PTPRK: variants seen among roughly 807,000 people sequenced by gnomAD.
PTPRK encodes the protein protein tyrosine phosphatase receptor type K, also known as receptor-type tyrosine-protein phosphatase kappa.
Under a neutral mutation model 178.0 loss-of-function variants are expected in PTPRK, and 75 were observed. That is an observed-to-expected ratio of 0.42 (90% CI 0.35 to 0.51). The LOEUF (loss-of-function observed/expected upper bound fraction) is 0.51, where lower values mean the gene tolerates loss of function less well. Ranked by LOEUF, PTPRK falls within the 20% of genes least tolerant of loss-of-function variation. The pLI, the probability that PTPRK is intolerant of heterozygous loss-of-function variation, is 0.02. For missense variants in PTPRK, 1,441 were observed against 1,797.8 expected (o/e 0.80, Z 3.59); for synonymous variants, 637 against 620.6 (o/e 1.03, Z -0.39).
chr6:128,504,556 T>C (rs925874959), intron 1 of PTPRK, among the ~76,000 whole-genome samples: 2 of 152,150 alleles, frequency 1.3e-5, no homozygotes, highest in African/African-American at 4.8e-5. Flanking sequence ...CTCAGAGCAA[T>C]TAGCAGGCTT....
intron 2 of PTPRK, among the ~76,000 whole-genome samples, chr6:128,372,743 C>T (rs1836463446): frequency 6.6e-6 from 1 of 152,112 alleles, no homozygotes; most frequent in Non-Finnish European, 1.5e-5. Context: ...GTATAAATGG[C>T]TACTCCATAG....
At chr6:128,322,017 C>G in intron 3 of PTPRK, 22 bp downstream of exon 3, 2 of 1,613,682 alleles carry the variant, frequency 1.2e-6, no homozygotes, top group Non-Finnish European at 1.7e-6. Flanking sequence ...AAAACATACA[C>G]CAGAAAAGTA....
chr6:128,375,517 T>G lies in PTPRK; in HGVS notation c.223+22049A>C, dbSNP rs1236542829. On this transcript the variant is annotated intron_variant, in intron 2 of 29. Coordinates refer to ENST00000368226, the MANE Select transcript of PTPRK (RefSeq NM_002844.4). ...CCCACTGGGTCCCTCCCACAACACA[T>G]GGGAATTATGGGAGCTACAAGATGA... 2.0e-5 allele frequency among the ~76,000 whole-genome samples: 3 copies of G among 152,048 alleles called. No homozygotes were observed. In the South Asian group the frequency reaches 6.2e-4, roughly 32 times the overall value.
intron 7 of PTPRK, among the ~76,000 whole-genome samples, chr6:128,158,895 T>C (rs1023819358): frequency 7.2e-5 from 11 of 151,946 alleles, no homozygotes; most frequent in African/African-American, 2.7e-4. Context: ...TTTCTGTATG[T>C]ACATGAAAAT....
At chr6:127,998,969 C>G in intron 15 of PTPRK, 65 bp from the exon 16 acceptor site, 3 of 1,335,810 alleles carry the variant, frequency 2.2e-6, no homozygotes. Context: ...ATATATGTAT[C>G]TATGCAATGA....
At chr6:128,219,221 T>C (rs1242296592) in intron 5 of PTPRK, 125 bp from the exon 6 acceptor site, 1 of 881,316 alleles carries the variant, frequency 1.1e-6, no homozygotes, top group African/African-American at 1.7e-5. Flanking sequence ...TTTTTTCCAT[T>C]GTCAATCAGG....
At chr6:128,254,594 C>A (rs564970922) in intron 3 of PTPRK, among the ~76,000 whole-genome samples, 1 of 152,190 alleles carries the variant, frequency 6.6e-6, no homozygotes, top group Non-Finnish European at 1.5e-5. Flanking sequence ...AAGATGAACT[C>A]AAATTTTTGA....
intron 2 of PTPRK, among the ~76,000 whole-genome samples, chr6:128,376,590 G>A (rs1394492727): frequency 2.0e-5 from 3 of 152,078 alleles, no homozygotes; most frequent in Non-Finnish European, 4.4e-5. Context: ...TTAACATTCG[G>A]CTCCTCATTA....
At chr6:127,995,861 A>G (rs530248387) in intron 17 of PTPRK, among the ~76,000 whole-genome samples, 2 of 152,208 alleles carry the variant, frequency 1.3e-5, no homozygotes, top group African/African-American at 2.4e-5. Context: ...CTTTTTAGTC[A>G]TGACTTTAAA....
At position 128,038,523 on chromosome 6, in the gene PTPRK, C is replaced by T. The variant is rs1233351083; in HGVS notation, c.2194+26235G>A. The stretch of plus-strand genomic sequence containing the variant: ...GTTCTTATAACTTCTAGAGATACTG[C>T]TCCACTCAATGACAATGTCTGCAGA... On this transcript the variant is annotated intron_variant, in intron 13 of 29. Coordinates refer to ENST00000368226, the MANE Select transcript of PTPRK (RefSeq NM_002844.4). Among the ~76,000 whole-genome samples, 3 of 152,022 alleles carry T rather than the reference C, an allele frequency of 2.0e-5. 1 individual carries two copies. The highest frequency in any genetic ancestry group is 2.0e-4 in the Admixed American group (3 of 15,252).
intron 1 of PTPRK, among the ~76,000 whole-genome samples, chr6:128,491,451 T>C (rs1853757883): frequency 6.6e-6 from 1 of 152,212 alleles, no homozygotes; most frequent in Non-Finnish European, 1.5e-5. Flanking sequence ...TTTTTGTGTC[T>C]CAGGATTATG....
At chr6:128,042,327 C>T (rs563254747) in intron 13 of PTPRK, among the ~76,000 whole-genome samples, 63 of 152,110 alleles carry the variant, frequency 4.1e-4, no homozygotes, top group African/African-American at 1.5e-3. Context: ...TAAAACAACA[C>T]AAATTTATAT....
chr6:128,141,197 T>A (rs1300032126), intron 7 of PTPRK, among the ~76,000 whole-genome samples: 3 of 151,958 alleles, frequency 2.0e-5, no homozygotes, highest in African/African-American at 7.2e-5. Flanking sequence ...ATTATTGTAC[T>A]GTAAATGAAA....
intron 3 of PTPRK, among the ~76,000 whole-genome samples, chr6:128,253,130 TA>T (rs1283217210): frequency 1.3e-5 from 2 of 152,104 alleles, no homozygotes; most frequent in African/African-American, 4.8e-5. Flanking sequence ...CCAAATGCCT[TA>T]AATATGAAAC....
rs111420542 is a variant in PTPRK at position 128,303,210 on chromosome 6, C to T, written c.495+18829G>A. On this transcript the variant is annotated intron_variant, in intron 3 of 29. Coordinates refer to ENST00000368226, the MANE Select transcript of PTPRK (RefSeq NM_002844.4). Reference sequence around the variant, plus strand: ...GTTTTGCATCCCCATCTCTGACCTACAGTCGCTAAATCTGCAGGCTAACTC... The same window carrying T: ...GTTTTGCATCCCCATCTCTGACCTATAGTCGCTAAATCTGCAGGCTAACTC... Among the ~76,000 whole-genome samples, 709 of 152,332 alleles carry T rather than the reference C, an allele frequency of 4.7e-3. 6 individuals carry two copies. The highest frequency in any genetic ancestry group is 0.016 in the African/African-American group (677 of 41,574).
chr6:128,326,380 G>C (rs1489551637), intron 2 of PTPRK, among the ~76,000 whole-genome samples: 2 of 151,904 alleles, frequency 1.3e-5, no homozygotes, highest in Non-Finnish European at 2.9e-5. Context: ...TAAACCATCA[G>C]GTATGTATAA....
rs114431728 is a variant in PTPRK at position 128,020,774 on chromosome 6, C to T, written c.2195-11506G>A. Among the ~76,000 whole-genome samples, 337 of 152,228 alleles carry T rather than the reference C, an allele frequency of 2.2e-3. 1 individual carries two copies. Among genetic ancestry groups the T allele is most frequent in the African/African-American group, 6.4e-3 (264 of 41,552 alleles). ...AACCTATTCCCACTCTGCTTATTTA[C>T]GAAATGAAGGGTTAAGACTAGCTGT... On this transcript the variant is annotated intron_variant, in intron 13 of 29. Coordinates refer to ENST00000368226, the MANE Select transcript of PTPRK (RefSeq NM_002844.4).
intron 18 of PTPRK, among the ~76,000 whole-genome samples, chr6:127,994,826 A>G (rs1197674460): frequency 6.6e-6 from 1 of 151,922 alleles, no homozygotes; most frequent in Non-Finnish European, 1.5e-5. Flanking sequence ...TATTACTTTA[A>G]AAGCCAATAC....
chr6:128,087,098 T>C (rs1485291452), intron 8 of PTPRK, among the ~76,000 whole-genome samples: 1 of 152,146 alleles, frequency 6.6e-6, no homozygotes, highest in Non-Finnish European at 1.5e-5. Context: ...CATTCCTTGA[T>C]TATTAGTCTA....
Sources: allele counts gnomAD v4.1 joint callset (sites outside exome capture counted in the v4.1 genomes callset), GRCh38; gene constraint gnomAD v4.1.1; transcripts MANE v1.5; gene names NCBI Gene and HGNC (gene_info 2026-07-23, HGNC 2026-07-21).